The following CALN1 variants were observed in gnomAD, a reference collection of about 807,000 sequenced individuals.
CALN1 encodes the protein calcium-binding protein 8.
Under a neutral mutation model 30.6 loss-of-function variants are expected in CALN1, and 17 were observed. That is an observed-to-expected ratio of 0.56 (90% CI 0.38 to 0.83). The LOEUF is 0.83. CALN1 is among the 40% of genes least tolerant of loss of function. The pLI is 0.00. For synonymous variants in CALN1, 156 were observed against 131.4 expected, an observed-to-expected ratio of 1.19 and a Z score of -1.28; for missense variants, 291 against 354.9, an observed-to-expected ratio of 0.82 and a Z score of 1.45.
At chr7:72,130,438 G>A (rs1013704117) in intron 3 of CALN1, among the ~76,000 whole-genome samples, 13 of 152,144 alleles carry the variant, frequency 8.5e-5, no homozygotes, top group African/African-American at 2.9e-4. Context: ...AGACCAACGT[G>A]CTTGTTAGAT....
intron 5 of CALN1, among the ~76,000 whole-genome samples, chr7:71,878,876 G>A (rs935077937): frequency 6.6e-6 from 1 of 152,210 alleles, no homozygotes; most frequent in Non-Finnish European, 1.5e-5. Flanking sequence ...GGAGCTCCAA[G>A]AGGAGCAGAA....
chr7:72,463,171 G>A, the CALN1 span, among the ~76,000 whole-genome samples: 2 of 152,104 alleles, frequency 1.3e-5, no homozygotes, highest in African/African-American at 2.4e-5. Flanking sequence ...GCCCAGGCTG[G>A]GGTGCATTGG....
At chr7:72,339,654 G>T (rs1325873586) in intron 2 of CALN1, among the ~76,000 whole-genome samples, 1 of 152,256 alleles carries the variant, frequency 6.6e-6, no homozygotes, top group African/African-American at 2.4e-5. Context: ...ACAAAGGAAA[G>T]AGGTTTAATG....
At chr7:72,260,605 G>A (rs193094048) in intron 3 of CALN1, among the ~76,000 whole-genome samples, 94 of 152,230 alleles carry the variant, frequency 6.2e-4, no homozygotes, top group Middle Eastern at 6.8e-3. Flanking sequence ...CCTCTGAAGG[G>A]ATCTTAAAGG....
intron 3 of CALN1, among the ~76,000 whole-genome samples, chr7:72,275,014 G>C (rs1797245963): frequency 6.6e-6 from 1 of 152,060 alleles, no homozygotes; most frequent in South Asian, 2.1e-4. Context: ...CATTCACGAA[G>C]TGCACACCTT....
At chr7:72,138,785 C>T (rs1412570664) in intron 3 of CALN1, among the ~76,000 whole-genome samples, 1 of 152,186 alleles carries the variant, frequency 6.6e-6, no homozygotes, top group Non-Finnish European at 1.5e-5. Flanking sequence ...GGTCCCCCCA[C>T]AATCCCCGCC....
rs565817688 is a variant in CALN1 at position 71,977,544 on chromosome 7, G to C, written c.501+46113C>G. Among the ~76,000 whole-genome samples, 3 of 152,300 alleles carry C rather than the reference G, an allele frequency of 2.0e-5. No homozygotes were observed. In the East Asian group the frequency reaches 5.8e-4, roughly 29 times the overall value. On this transcript the variant is annotated intron_variant, in intron 5 of 6. Transcript: ENST00000395275. ...TCAGATTTTACAATCAGAGGGGCTA[G>C]TGCCTGGCACTCAGCCACACAGGTC... is the stretch of plus-strand genomic sequence containing the variant.
intron 3 of CALN1, among the ~76,000 whole-genome samples, chr7:72,217,321 C>T (rs1211782228): frequency 6.6e-6 from 1 of 152,020 alleles, no homozygotes; most frequent in Non-Finnish European, 1.5e-5. Flanking sequence ...TCAGGAGCCT[C>T]GGGGTGGAGG....
At chr7:71,963,783 C>A (rs1797388441) in intron 5 of CALN1, among the ~76,000 whole-genome samples, 1 of 152,148 alleles carries the variant, frequency 6.6e-6, no homozygotes, top group Admixed American at 6.5e-5. Context: ...GCTACACGTA[C>A]ATTAACTCAT....
intron 2 of CALN1, among the ~76,000 whole-genome samples, chr7:72,294,503 A>G (rs988171656): frequency 2.0e-5 from 3 of 152,042 alleles, no homozygotes; most frequent in Non-Finnish European, 4.4e-5. Context: ...CAATCCCCAC[A>G]CTTTGGGAGG....
chr7:72,055,475 C>T (rs541709329), intron 4 of CALN1, among the ~76,000 whole-genome samples: 5 of 152,034 alleles, frequency 3.3e-5, no homozygotes, highest in Non-Finnish European at 1.5e-5. Context: ...CTGGGAAATA[C>T]ACAAATAGAT....
chr7:72,148,264 TAAAA>T (rs35780457), intron 3 of CALN1, among the ~76,000 whole-genome samples: 6 of 132,670 alleles, frequency 4.5e-5, no homozygotes, highest in Non-Finnish European at 4.9e-5. Context: ...TGTGGTTGTT[TAAAA>T]AAAAAAAAAA....
At chr7:72,449,582 C>A (rs147571116), upstream of CALN1, among the ~76,000 whole-genome samples, 43 of 152,186 alleles carry the variant, frequency 2.8e-4, no homozygotes, top group African/African-American at 9.9e-4. Context: ...AGCAAAGAAT[C>A]TGCCGTCAGG....
chr7:71,882,920 G>GCC (rs1025971056), intron 5 of CALN1, among the ~76,000 whole-genome samples: 13 of 148,480 alleles, frequency 8.8e-5, no homozygotes, highest in Admixed American at 2.1e-4. Flanking sequence ...TCATTATGTT[G>GCC]CCCAGGCTGG....
At chr7:72,396,849 G>A (rs1205621987) in intron 2 of CALN1, among the ~76,000 whole-genome samples, 1 of 152,164 alleles carries the variant, frequency 6.6e-6, no homozygotes, top group African/African-American at 2.4e-5. Context: ...AAGGTTAGAA[G>A]TATATAGGAT....
At chr7:72,394,639 CACA>C (rs1805797686) in intron 2 of CALN1, among the ~76,000 whole-genome samples, 1 of 148,308 alleles carries the variant, frequency 6.7e-6, no homozygotes, top group East Asian at 2.0e-4. Context: ...GAGTGTATGG[CACA>C]ACTTCAGGGG....
chr7:72,426,830 T>A (rs1159290002), intron 1 of CALN1, among the ~76,000 whole-genome samples: 1 of 152,210 alleles, frequency 6.6e-6, no homozygotes, highest in African/African-American at 2.4e-5. Flanking sequence ...TGACCACTCA[T>A]GTTTGCTGTT....
rs981996970 is a variant in CALN1, at chr7:71,787,975, G to A, written c.659-73C>T. ...GAAGAGAGAAGAGAGAAATAACACA[G>A]TGAGATAGGTTGCAACTCTTCCTCA... On this transcript the variant is annotated intron_variant, in intron 6 of 6. Coordinates refer to ENST00000395275, the MANE Select transcript of CALN1 (RefSeq NM_031468.4). 48 of 1,597,134 alleles carry A rather than the reference G, an allele frequency of 3.0e-5. No homozygotes were observed. In the African/African-American group the frequency reaches 5.4e-4, roughly 18 times the overall value.
intron 5 of CALN1, among the ~76,000 whole-genome samples, chr7:71,830,092 G>A (rs1336168369): frequency 6.6e-6 from 1 of 150,408 alleles, no homozygotes; most frequent in African/African-American, 2.5e-5. Flanking sequence ...TGCCCAGGCT[G>A]GGGTGCAATG....
Sources: allele counts gnomAD v4.1 joint callset (sites outside exome capture counted in the v4.1 genomes callset), GRCh38; gene constraint gnomAD v4.1.1; transcripts MANE v1.5; gene names NCBI Gene and HGNC (gene_info 2026-07-23, HGNC 2026-07-21).